Variants in HIVEP1 observed in about 807,000 individuals in gnomAD.
HIVEP1 encodes the protein HIVEP zinc finger 1.
A neutral mutation model predicts 180.0 loss-of-function variants in HIVEP1; 36 were observed. The observed-to-expected ratio is 0.20, with a 90% CI of 0.15 to 0.26. HIVEP1 has a LOEUF of 0.26. Ranked by LOEUF, HIVEP1 falls within the 10% of genes least tolerant of loss-of-function variation. HIVEP1 has a pLI of 1.00. For synonymous variants in HIVEP1, 1,239 were observed against 1,239.0 expected (o/e 1.00, Z 0.00); for missense variants, 3,143 against 3,268.7 (o/e 0.96, Z 0.94).
chr6:12,012,675 C>G (rs1319081339), intron 1 of HIVEP1, 109 bp downstream of exon 1: 1 of 144,236 alleles, frequency 6.9e-6, no homozygotes, highest in Non-Finnish European at 1.5e-5. Flanking sequence ...CGTGCGGGCG[C>G]GCGTGTGTGT....
At position 12,125,205 on chromosome 6, in the gene HIVEP1, A is replaced by G; in HGVS notation, c.5410A>G (p.Thr1804Ala). 1 of 1,614,214 alleles carries G rather than the reference A, an allele frequency of 6.2e-7. No individual in the cohort carries two copies. Among genetic ancestry groups the G allele is most frequent in the Non-Finnish European group, 8.5e-7 (1 of 1,180,032 alleles). ...KKPILVRQVC[T>A]TEPLDGVMLE... Reference sequence around the variant, plus strand: ...GCCTATTTTAGTGAGACAGGTTTGTACTACAGAGCCCCTGGACGGTGTGAT... The same window carrying G: ...GCCTATTTTAGTGAGACAGGTTTGTGCTACAGAGCCCCTGGACGGTGTGAT... Residue 1804 changes from threonine to alanine, a missense_variant, in exon 4 of 9, where the codon ACT becomes GCT. Thr to Ala is a moderately conservative substitution (Grantham distance 58, BLOSUM62 0). Around this residue, in one of 12 missense-constraint regions of HIVEP1, gnomAD observed 1,357 missense variants for 1,260.5 expected, o/e 1.08. Transcript: ENST00000379388.
chr6:12,019,342 G>A (rs1260977605), intron 2 of HIVEP1, among the ~76,000 whole-genome samples: 1 of 152,230 alleles, frequency 6.6e-6, no homozygotes, highest in African/African-American at 2.4e-5. Context: ...TGGGAAGGAT[G>A]TGGGGGTTAG....
chr6:12,091,216 A>G (rs759693267), intron 3 of HIVEP1, among the ~76,000 whole-genome samples: 8 of 152,128 alleles, frequency 5.3e-5, no homozygotes, highest in Non-Finnish European at 1.0e-4. Flanking sequence ...TTCTTCCATC[A>G]AAGAATATAC....
chr6:12,196,078 A>G, the HIVEP1 span, among the ~76,000 whole-genome samples: 1 of 152,240 alleles, frequency 6.6e-6, no homozygotes, highest in Non-Finnish European at 1.5e-5. Context: ...ACTGGTCCCT[A>G]TTGATGTCAA....
chr6:12,148,872 T>G (rs1475885032), intron 7 of HIVEP1, among the ~76,000 whole-genome samples: 1 of 152,190 alleles, frequency 6.6e-6, no homozygotes, highest in African/African-American at 2.4e-5. Flanking sequence ...CCCAGGAAAC[T>G]CTTTTATTTC....
chr6:12,129,496 A>G, intron 4 of HIVEP1: 1 of 546,804 alleles, frequency 1.8e-6, no homozygotes, highest in Non-Finnish European at 3.4e-6. Flanking sequence ...ACCATGGTAT[A>G]GGAGGTTGTA....
intron 2 of HIVEP1, chr6:12,037,835 C>T (rs763160307): frequency 1.9e-5 from 8 of 416,906 alleles, no homozygotes; most frequent in Middle Eastern, 3.0e-4. Context: ...TTTAGCGTCC[C>T]GAATAGCTTG....
intron 1 of HIVEP1, among the ~76,000 whole-genome samples, chr6:12,015,131 C>G (rs1200304296): frequency 6.6e-6 from 1 of 152,228 alleles, no homozygotes; most frequent in African/African-American, 2.4e-5. Flanking sequence ...GTAGCAACCC[C>G]TTGTATTAAC....
In HIVEP1 at chr6:12,122,140, C is replaced by T. The variant is rs1416786186; in HGVS notation, c.2345C>T (p.Ser782Phe). The T allele has an allele frequency of 6.2e-7, 1 of 1,613,998 alleles. No homozygotes were observed. Among genetic ancestry groups the T allele is most frequent in the South Asian group, 1.1e-5 (1 of 91,084 alleles). ...CTGTCAAGACGAGGAAGCATTGATT[C>T]CCCCAAATCATACATATTTAAAGAT... ...TSLSRRGSIDSPKSYIFKDSF... is the reference protein window; with the variant it reads ...TSLSRRGSIDFPKSYIFKDSF... Residue 782 changes from serine (S) to phenylalanine (F), a missense_variant, in exon 4 of 9, where the codon TCC (serine) becomes TTC (phenylalanine). By Grantham distance (155) the Ser-to-Phe change is radical. This residue lies in a region of HIVEP1 where 32 missense variants were observed against 70.0 expected (regional missense o/e 0.46). Transcript: ENST00000379388.
the HIVEP1 span, among the ~76,000 whole-genome samples, chr6:12,200,681 T>C: frequency 1.3e-5 from 2 of 152,248 alleles, no homozygotes; most frequent in African/African-American, 4.8e-5. Flanking sequence ...CCCAGAGATA[T>C]GCTTCTTAGA....
chr6:12,055,273 G>A (rs1352732188), intron 2 of HIVEP1, among the ~76,000 whole-genome samples: 2 of 152,150 alleles, frequency 1.3e-5, no homozygotes, highest in Non-Finnish European at 2.9e-5. Context: ...AGGAGATCGA[G>A]ACCATCCTGG....
chr6:12,182,385 G>A, the HIVEP1 span, among the ~76,000 whole-genome samples: 8 of 152,146 alleles, frequency 5.3e-5, no homozygotes, highest in African/African-American at 1.9e-4. Context: ...GTGCCTCAGG[G>A]ATGTGAAGCA....
At chr6:12,020,063 G>A (rs1426307061) in intron 2 of HIVEP1, among the ~76,000 whole-genome samples, 1 of 152,200 alleles carries the variant, frequency 6.6e-6, no homozygotes, top group Non-Finnish European at 1.5e-5. Flanking sequence ...ACTAGAAAAG[G>A]TATAAGAAGA....
At chr6:12,066,227 T>G (rs550411174) in intron 2 of HIVEP1, among the ~76,000 whole-genome samples, 8 of 152,216 alleles carry the variant, frequency 5.3e-5, no homozygotes, top group Non-Finnish European at 8.8e-5. Flanking sequence ...GCGTGTGTGT[T>G]AATTCTGTGT....
In HIVEP1 at chr6:12,048,126, G is replaced by A. The variant is rs115831874; in HGVS notation, c.40+32458G>A. Among the ~76,000 whole-genome samples, 1,038 of 152,250 alleles carry A rather than the reference G, an allele frequency of 6.8e-3. 15 individuals carry two copies. Among genetic ancestry groups the A allele is most frequent in the African/African-American group, 0.024 (983 of 41,530 alleles). On this transcript the variant is annotated intron_variant, in intron 2 of 8. Coordinates refer to ENST00000379388, the MANE Select transcript of HIVEP1 (RefSeq NM_002114.4). ...GCTTCTTACAAGATTTCTGTTAAGC[G>A]GGCATCTCCATTTCAGCCAGTTCTT...
the HIVEP1 span, among the ~76,000 whole-genome samples, chr6:12,177,991 T>C: frequency 6.6e-6 from 1 of 152,182 alleles, no homozygotes; most frequent in Non-Finnish European, 1.5e-5. Context: ...TTTCAAAGTA[T>C]AACTATGAAA....
intron 2 of HIVEP1, among the ~76,000 whole-genome samples, chr6:12,069,794 A>C (rs62395293): frequency 6.6e-6 from 1 of 151,874 alleles, no homozygotes; most frequent in African/African-American, 2.4e-5. Flanking sequence ...CTGTAACTTT[A>C]TAACCTTTTA....
At chr6:12,180,666 T>C in the HIVEP1 span, among the ~76,000 whole-genome samples, 13 of 152,206 alleles carry the variant, frequency 8.5e-5, no homozygotes, top group South Asian at 2.1e-4. Context: ...ATTGAAAGAT[T>C]GTAAGAGCAT....
chr6:12,108,420 T>G (rs558993931), intron 3 of HIVEP1, among the ~76,000 whole-genome samples: 2 of 152,232 alleles, frequency 1.3e-5, no homozygotes, highest in African/African-American at 4.8e-5. Flanking sequence ...TCAATGGGAC[T>G]GGGCGCCATG....
Sources: gnomAD v4.1 joint callset for allele counts (sites outside exome capture counted in the v4.1 genomes callset) on GRCh38, gnomAD v4.1.1 for gene constraint, gnomAD v4.1.1 regional missense constraint, MANE v1.5 for transcripts, NCBI Gene and HGNC (gene_info 2026-07-23, HGNC 2026-07-21) for gene names.